Variants in MSRA observed in about 807,000 individuals in gnomAD.
MSRA encodes the protein methionine sulfoxide reductase A, also known as mitochondrial peptide methionine sulfoxide reductase.
MSRA carries 54 observed loss-of-function variants against 31.3 expected under a neutral mutation model. The observed-to-expected ratio is 1.73, with a 90% confidence interval of 1.39 to 2.17. MSRA has a LOEUF of 2.17. MSRA is among the 30% of genes most tolerant of loss of function. The probability of loss-of-function intolerance (pLI) is 0.00; values close to 1 mark genes in which losing one functional copy is unlikely to be tolerated. For synonymous variants in MSRA, 169 were observed against 116.5 expected (o/e 1.45, Z -2.90); for missense variants, 507 against 300.9 (o/e 1.69, Z -5.07).
At chr8:10,251,753 G>C (rs952916713) in intron 3 of MSRA, among the ~76,000 whole-genome samples, 2 of 151,854 alleles carry the variant, frequency 1.3e-5, no homozygotes, top group African/African-American at 4.8e-5. Flanking sequence ...TGAAGAAAAA[G>C]TATAGGTAAT....
Position 10,144,432 on chromosome 8 carries a change from G to C in MSRA, c.143-63401G>C, listed in dbSNP as rs578253323. 1.3e-4 allele frequency among the ~76,000 whole-genome samples: 20 copies of C among 152,280 alleles called. 2 individuals carry two copies. The South Asian group carries it at 4.1e-3, about 32-fold the overall frequency. On this transcript the variant is annotated intron_variant, in intron 1 of 5. Transcript: ENST00000317173. ...CTCAGAGTCCGTGAGGATGACGTAA[G>C]TTAATATTTGTGAAGCGCTTAGACT...
chr8:10,073,243 G>A (rs371906992), intron 1 of MSRA, among the ~76,000 whole-genome samples: 9 of 152,180 alleles, frequency 5.9e-5, no homozygotes, highest in African/African-American at 1.9e-4. Flanking sequence ...TATGATGTCA[G>A]CTGTAGGCTT....
intron 1 of MSRA, among the ~76,000 whole-genome samples, chr8:10,152,356 A>T (rs564186065): frequency 6.6e-6 from 1 of 152,304 alleles, no homozygotes; most frequent in South Asian, 2.1e-4. Flanking sequence ...TGTTTTTATG[A>T]CTCAGAGGGA....
chr8:10,160,833 T>G (rs1197877609), intron 1 of MSRA, among the ~76,000 whole-genome samples: 1 of 152,194 alleles, frequency 6.6e-6, no homozygotes, highest in Non-Finnish European at 1.5e-5. Flanking sequence ...CGGCCGAGAT[T>G]TCATTTTTAA....
At chr8:10,353,735 C>G (rs1421047975) in intron 5 of MSRA, 3 of 440,556 alleles carry the variant, frequency 6.8e-6, no homozygotes, top group South Asian at 4.9e-5. Context: ...TGTCTACGTC[C>G]TGAGATACCC....
At chr8:10,238,613 A>C (rs1381049242) in intron 2 of MSRA, among the ~76,000 whole-genome samples, 2 of 152,218 alleles carry the variant, frequency 1.3e-5, no homozygotes, top group African/African-American at 4.8e-5. Flanking sequence ...AAACGGGACT[A>C]CTTACAACGA....
intron 3 of MSRA, among the ~76,000 whole-genome samples, chr8:10,258,788 G>T (rs1798315029): frequency 6.6e-6 from 1 of 152,194 alleles, no homozygotes; most frequent in African/African-American, 2.4e-5. Context: ...GCAGAGGGCT[G>T]CCAGTTATCT....
chr8:10,260,577 C>G (rs1798426617), intron 3 of MSRA, among the ~76,000 whole-genome samples: 1 of 152,130 alleles, frequency 6.6e-6, no homozygotes, highest in Admixed American at 6.5e-5. Context: ...CCAGGGACCA[C>G]AAATGCCTGC....
At chr8:10,098,336 TA>T (rs1227523928) in intron 1 of MSRA, among the ~76,000 whole-genome samples, 1 of 152,178 alleles carries the variant, frequency 6.6e-6, no homozygotes, top group Admixed American at 6.5e-5. Flanking sequence ...ACTTGATACG[TA>T]TTATTAAATT....
intron 2 of MSRA, among the ~76,000 whole-genome samples, chr8:10,231,977 A>G (rs1811520348): frequency 6.6e-6 from 1 of 152,228 alleles, no homozygotes; most frequent in African/African-American, 2.4e-5. Flanking sequence ...ACAGCAAGCT[A>G]AAACAGGCAA....
intron 1 of MSRA, among the ~76,000 whole-genome samples, chr8:10,180,205 T>C (rs2129049592): frequency 6.6e-6 from 1 of 152,298 alleles, no homozygotes; most frequent in East Asian, 1.9e-4. Flanking sequence ...GATAATTTGC[T>C]GGAATGGCTC....
At chr8:10,362,350 A>G (rs1310837946) in intron 5 of MSRA, among the ~76,000 whole-genome samples, 1 of 150,730 alleles carries the variant, frequency 6.6e-6, no homozygotes, top group African/African-American at 2.4e-5. Context: ...CCCTGCCCCC[A>G]TGAGCAAGTG....
At chr8:10,348,282 AT>A (rs906723844) in intron 5 of MSRA, among the ~76,000 whole-genome samples, 8 of 132,284 alleles carry the variant, frequency 6.0e-5, no homozygotes, top group Non-Finnish European at 9.5e-5. Flanking sequence ...CTCCGCGGAG[AT>A]TTTTTTTTCT....
chr8:10,257,131 G>A (rs1443143412), intron 3 of MSRA, among the ~76,000 whole-genome samples: 1 of 152,132 alleles, frequency 6.6e-6, no homozygotes, highest in South Asian at 2.1e-4. Context: ...AGACAAACAA[G>A]GATTTTTTAG....
intron 1 of MSRA, among the ~76,000 whole-genome samples, chr8:10,141,111 C>T (rs990057783): frequency 6.6e-6 from 1 of 152,198 alleles, no homozygotes; most frequent in Non-Finnish European, 1.5e-5. Flanking sequence ...AAACCCTGCG[C>T]TCACCAAAGG....
intron 3 of MSRA, among the ~76,000 whole-genome samples, chr8:10,272,835 G>T (rs927264877): frequency 6.6e-6 from 1 of 152,068 alleles, no homozygotes; most frequent in Non-Finnish European, 1.5e-5. Context: ...CTAGGACCTG[G>T]CATAAAACAG....
At chr8:10,213,432 C>CTTTTTT (rs1198665886) in intron 2 of MSRA, among the ~76,000 whole-genome samples, 147 of 76,712 alleles carry the variant, frequency 1.9e-3, no homozygotes, top group South Asian at 3.9e-3. Flanking sequence ...ACCACACTTT[C>CTTTTTT]TTTTTTTTTT....
rs192202124 is a variant in MSRA, at chr8:10,332,552, A to T, written c.543+12563A>T. On this transcript the variant is annotated intron_variant, in intron 5 of 5. Transcript: ENST00000317173. ...TTACGGGTGTTATTATGAACTCTAA[A>T]TAAGAACCTGTGAAATAAATATTTT... is the stretch of plus-strand genomic sequence containing the variant. 2.6e-5 allele frequency among the ~76,000 whole-genome samples: 4 copies of T among 151,948 alleles called. No individual in the cohort carries two copies. The East Asian group carries it at 7.7e-4, about 29-fold the overall frequency.
chr8:10,178,436 A>C (rs889780473), intron 1 of MSRA, among the ~76,000 whole-genome samples: 1 of 152,196 alleles, frequency 6.6e-6, no homozygotes, highest in African/African-American at 2.4e-5. Context: ...CTTGAAAAAA[A>C]ATTTGAAATA....
Sources: allele counts gnomAD v4.1 joint callset (sites outside exome capture counted in the v4.1 genomes callset), GRCh38; gene constraint gnomAD v4.1.1; transcripts MANE v1.5; gene names NCBI Gene and HGNC (gene_info 2026-07-23, HGNC 2026-07-21).